The following PCDH9 variants were observed in gnomAD, a reference collection of about 807,000 sequenced individuals.
PCDH9 encodes protocadherin-9.
Under a neutral mutation model 70.6 loss-of-function variants are expected in PCDH9, and 24 were observed. The ratio of observed to expected loss-of-function variants is 0.34; its 90% CI spans 0.25 to 0.48. The LOEUF (loss-of-function observed/expected upper bound fraction) is 0.48. Among genes scored for constraint, PCDH9 ranks in the 20% least tolerant of loss-of-function variants. The probability of loss-of-function intolerance (pLI) is 0.99; values close to 1 mark genes in which losing one functional copy is unlikely to be tolerated. For synonymous variants in PCDH9, 562 were observed against 558.5 expected (o/e 1.01, Z -0.09); for missense variants, 1,281 against 1,503.6 (o/e 0.85, Z 2.45).
At chr13:66,449,134 C>T (rs536872273) in intron 4 of PCDH9, among the ~76,000 whole-genome samples, 2 of 152,136 alleles carry the variant, frequency 1.3e-5, no homozygotes, top group Non-Finnish European at 2.9e-5. Flanking sequence ...CTGACTGGAA[C>T]CAAAGAAAGA....
chr13:66,707,396 A>T (rs571506101), intron 3 of PCDH9, among the ~76,000 whole-genome samples: 1 of 152,356 alleles, frequency 6.6e-6, no homozygotes, highest in East Asian at 1.9e-4. Context: ...AAGGCAGCAC[A>T]TATTGCCAGC....
chr13:66,425,864 A>T lies in PCDH9; in HGVS notation c.3341-120836T>A, dbSNP rs1957659449. Among the ~76,000 whole-genome samples, 3 of 151,724 alleles carry T rather than the reference A, an allele frequency of 2.0e-5. No homozygotes were observed. The South Asian group carries it at 6.2e-4, about 31-fold the overall frequency. ...CAAACTGTCCTGAGAAAAGTCTAGT[A>T]AGTGTGCTATCTGCTGAAGAGCCAA... On this transcript the variant is annotated intron_variant, in intron 4 of 4. Coordinates refer to ENST00000377865, the MANE Select transcript of PCDH9 (RefSeq NM_203487.3).
At chr13:66,438,339 T>G (rs1355733936) in intron 4 of PCDH9, among the ~76,000 whole-genome samples, 1 of 152,204 alleles carries the variant, frequency 6.6e-6, no homozygotes, top group Non-Finnish European at 1.5e-5. Context: ...AAGAGTGCCC[T>G]GGCTTCTTTT....
chr13:67,062,610 T>C (rs1409512591), intron 2 of PCDH9, among the ~76,000 whole-genome samples: 1 of 152,198 alleles, frequency 6.6e-6, no homozygotes, highest in East Asian at 1.9e-4. Context: ...GTGTGTTCTG[T>C]ACAACATCTG....
At chr13:66,824,739 T>C (rs575781312) in intron 3 of PCDH9, among the ~76,000 whole-genome samples, 21 of 145,214 alleles carry the variant, frequency 1.4e-4, no homozygotes, top group South Asian at 6.6e-4. Flanking sequence ...TATATATATA[T>C]ACACACACAC....
chr13:67,213,937 A>C (rs1389853043), intron 2 of PCDH9: 1 of 152,196 alleles, frequency 6.6e-6, no homozygotes, highest in African/African-American at 2.4e-5. Context: ...TATTTAGTTG[A>C]TAAAGTTAAT....
intron 4 of PCDH9, among the ~76,000 whole-genome samples, chr13:66,498,148 A>AT (rs1453324899): frequency 1.2e-3 from 165 of 140,052 alleles, no homozygotes; most frequent in Middle Eastern, 4.2e-3. Context: ...ATTTATTATT[A>AT]TTATTTTTTT....
At chr13:66,740,219 A>T (rs1313178363) in intron 3 of PCDH9, among the ~76,000 whole-genome samples, 1 of 141,510 alleles carries the variant, frequency 7.1e-6, no homozygotes, top group East Asian at 2.1e-4. Context: ...TGGAAACTGA[A>T]CAACCTGCTC....
chr13:66,868,200 A>G (rs1400133341), intron 3 of PCDH9, among the ~76,000 whole-genome samples: 1 of 152,050 alleles, frequency 6.6e-6, no homozygotes, highest in East Asian at 1.9e-4. Context: ...GTACAAATTT[A>G]GCATGGCTAA....
chr13:67,101,233 T>A (rs1287658481), intron 2 of PCDH9, among the ~76,000 whole-genome samples: 1 of 152,226 alleles, frequency 6.6e-6, no homozygotes, highest in Non-Finnish European at 1.5e-5. Context: ...AATCTGATTA[T>A]AAGTCCATAT....
chr13:66,781,802 A>G (rs769901954), intron 3 of PCDH9, among the ~76,000 whole-genome samples: 15 of 152,194 alleles, frequency 9.9e-5, no homozygotes, highest in Non-Finnish European at 2.2e-4. Flanking sequence ...AAGCTGGCAC[A>G]TAAGTAATGA....
chr13:66,360,275 C>T (rs1956448053), intron 4 of PCDH9, among the ~76,000 whole-genome samples: 1 of 151,782 alleles, frequency 6.6e-6, no homozygotes, highest in African/African-American at 2.4e-5. Flanking sequence ...AGTTGACGTC[C>T]ACCTTGATGG....
At chr13:66,533,978 C>A (rs1960580542) in intron 4 of PCDH9, among the ~76,000 whole-genome samples, 2 of 152,196 alleles carry the variant, frequency 1.3e-5, no homozygotes, top group Middle Eastern at 3.4e-3. Context: ...ATCATCATGG[C>A]AGCATATACA....
At chr13:66,748,650 AAG>A (rs1437320690) in intron 3 of PCDH9, among the ~76,000 whole-genome samples, 6 of 152,326 alleles carry the variant, frequency 3.9e-5, no homozygotes, top group African/African-American at 1.4e-4. Flanking sequence ...GAGCTTAGGA[AAG>A]AGAACTAATA....
chr13:66,739,841 CA>C (rs1433988311), intron 3 of PCDH9, among the ~76,000 whole-genome samples: 1 of 126,338 alleles, frequency 7.9e-6, no homozygotes, highest in African/African-American at 3.0e-5. Flanking sequence ...ATTCATAAAG[CA>C]AGTCCTGAGT....
At chr13:66,881,251 C>T (rs974469482) in intron 3 of PCDH9, among the ~76,000 whole-genome samples, 3 of 152,022 alleles carry the variant, frequency 2.0e-5, no homozygotes, top group African/African-American at 7.2e-5. Flanking sequence ...AAACACATAC[C>T]CAAGACTGGG....
intron 2 of PCDH9, among the ~76,000 whole-genome samples, chr13:67,096,435 G>C (rs2086321832): frequency 6.6e-6 from 1 of 152,124 alleles, no homozygotes; most frequent in Non-Finnish European, 1.5e-5. Flanking sequence ...CTTAAGAGTA[G>C]AAAGAGAGGA....
chr13:66,797,328 T>C (rs868224576), intron 3 of PCDH9, among the ~76,000 whole-genome samples: 5 of 152,140 alleles, frequency 3.3e-5, no homozygotes, highest in Middle Eastern at 3.2e-3. Flanking sequence ...TGATAATGAT[T>C]TATGGTTATT....
chr13:66,423,627 GC>G (rs1337843373), intron 4 of PCDH9, among the ~76,000 whole-genome samples: 4 of 151,974 alleles, frequency 2.6e-5, no homozygotes, highest in African/African-American at 4.8e-5. Flanking sequence ...AAATTCAACA[GC>G]CCTTCATGCT....
Sources: gnomAD v4.1 joint callset for allele counts (sites outside exome capture counted in the v4.1 genomes callset) on GRCh38, gnomAD v4.1.1 for gene constraint, MANE v1.5 for transcripts, NCBI Gene and HGNC (gene_info 2026-07-23, HGNC 2026-07-21) for gene names.